The following ZMIZ1 variants were observed in gnomAD, a reference collection of about 807,000 sequenced individuals.
ZMIZ1 encodes the protein zinc finger MIZ-type containing 1.
A neutral mutation model predicts 113.9 loss-of-function variants in ZMIZ1; 17 were observed. The ratio of observed to expected loss-of-function variants is 0.15; its 90% confidence interval spans 0.10 to 0.22. The LOEUF (loss-of-function observed/expected upper bound fraction) is 0.22. Among genes scored for constraint, ZMIZ1 ranks in the 10% least tolerant of loss-of-function variants. The pLI is 1.00. For missense variants in ZMIZ1, 1,059 were observed against 1,477.8 expected (o/e 0.72, Z 4.65); for synonymous variants, 607 against 603.1 (o/e 1.01, Z -0.09).
At chr10:79,220,339 C>A (rs1848913917) in intron 7 of ZMIZ1, among the ~76,000 whole-genome samples, 1 of 152,154 alleles carries the variant, frequency 6.6e-6, no homozygotes, top group Non-Finnish European at 1.5e-5. Context: ...TCTCTAAGGC[C>A]CCTTCTGTGG....
In ZMIZ1 at chr10:79,265,463, C is replaced by CT. The variant is rs869066608; in HGVS notation, c.281-11714dup. On this transcript the variant is annotated intron_variant, in intron 7 of 24. Transcript: ENST00000334512. ...CGCCAGCAGACAACTCCTTTTTTTTCTTTTCTTTTTTTTTTTTTTTTTGGC... is the reference window on the plus strand; with the variant it reads ...CGCCAGCAGACAACTCCTTTTTTTTCTTTTTCTTTTTTTTTTTTTTTTTGGC... Among the ~76,000 whole-genome samples, 1,144 of 131,606 alleles carry CT rather than the reference C, an allele frequency of 8.7e-3. 14 individuals carry two copies. Among genetic ancestry groups the CT allele is most frequent in the South Asian group, 0.044 (187 of 4,270 alleles). The allele number at this position is 131,606 out of a possible 152,430, so 86.3% of individuals were successfully genotyped here.
chr10:79,133,437 G>A (rs1398028150), intron 2 of ZMIZ1, among the ~76,000 whole-genome samples: 1 of 152,198 alleles, frequency 6.6e-6, no homozygotes, highest in Non-Finnish European at 1.5e-5. Context: ...CTGCACCTCA[G>A]GGGTACAGCA....
chr10:79,269,456 A>AACACACACACACC (rs371932943), intron 7 of ZMIZ1, among the ~76,000 whole-genome samples: 2 of 138,472 alleles, frequency 1.4e-5, no homozygotes, highest in Admixed American at 1.4e-4. Flanking sequence ...ACCTCCCCCC[A>AACACACACACACC]ACACACACAC....
In ZMIZ1 at chr10:79,296,151, C is replaced by T. The variant is rs900994248; in HGVS notation, c.1231-320C>T. The T allele has an allele frequency of 2.7e-6, 1 of 372,034 alleles. No homozygotes were observed. Among genetic ancestry groups the T allele is most frequent in the Admixed American group, 4.4e-5 (1 of 22,764 alleles). 23.0% of individuals were successfully genotyped at this position (372,034 alleles called of 1,614,324 possible). A position where few individuals can be genotyped will look rare whatever the true frequency, so the allele number is the denominator to read the frequency against. ...GCCCTAACCCAGGCACCAGGAGAGA[C>T]ACAAAGGTCGGGGGAGTTAGAATCA... On this transcript the variant is annotated intron_variant, in intron 12 of 24. Transcript: ENST00000334512. This position sits in a 1 kb window ranked among gnomAD's most constrained non-coding sequence, Gnocchi z 4.1.
intron 18 of ZMIZ1, among the ~76,000 whole-genome samples, chr10:79,303,042 A>G (rs1269966288): frequency 1.3e-5 from 2 of 151,646 alleles, no homozygotes; most frequent in African/African-American, 2.4e-5. Flanking sequence ...TTTGTGTTTT[A>G]GTAGAGACGG....
chr10:79,180,627 C>T (rs1030620584), intron 4 of ZMIZ1, among the ~76,000 whole-genome samples: 3 of 152,208 alleles, frequency 2.0e-5, no homozygotes, highest in Non-Finnish European at 2.9e-5. Context: ...GCCTGAGCTG[C>T]CCCTCTGGAG....
intron 2 of ZMIZ1, among the ~76,000 whole-genome samples, chr10:79,137,105 G>A (rs1845042223): frequency 6.6e-6 from 1 of 152,196 alleles, no homozygotes; most frequent in South Asian, 2.1e-4. Context: ...CTCCAAAATT[G>A]TATAAGCCTC....
intron 7 of ZMIZ1, among the ~76,000 whole-genome samples, chr10:79,254,853 C>T (rs1286135195): frequency 6.6e-6 from 1 of 152,224 alleles, no homozygotes; most frequent in African/African-American, 2.4e-5. Context: ...TACCTTTCAC[C>T]GCAGTCGTGA....
At chr10:79,175,583 C>T (rs1035345147) in intron 4 of ZMIZ1, among the ~76,000 whole-genome samples, 10 of 125,294 alleles carry the variant, frequency 8.0e-5, no homozygotes, top group Non-Finnish European at 9.9e-5. Flanking sequence ...GTGCACTCTG[C>T]GTGTGTGTGT....
At chr10:79,191,392 G>A (rs1252736589) in intron 4 of ZMIZ1, among the ~76,000 whole-genome samples, 3 of 151,920 alleles carry the variant, frequency 2.0e-5, no homozygotes, top group Non-Finnish European at 4.4e-5. Flanking sequence ...TCCTGCCTCT[G>A]TCTACAGTCA....
chr10:79,188,924 C>T (rs1279789736), intron 4 of ZMIZ1, among the ~76,000 whole-genome samples: 4 of 152,192 alleles, frequency 2.6e-5, no homozygotes, highest in African/African-American at 4.8e-5. Flanking sequence ...CTCATCTAAC[C>T]GGGAATGCTT....
Position 79,225,365 on chromosome 10 carries a change from A to G in ZMIZ1, c.280+9091A>G, listed in dbSNP as rs185177190. On this transcript the variant is annotated intron_variant, in intron 7 of 24. Coordinates refer to ENST00000334512, the MANE Select transcript of ZMIZ1 (RefSeq NM_020338.4). ...CCAAAACAAAGACAGTAGAAACCAT[A>G]CCTTGTCTCCTAGTTTAGCTACAGG... Among the ~76,000 whole-genome samples, 305 of 152,246 alleles carry G rather than the reference A, an allele frequency of 2.0e-3. 3 individuals are homozygous for G. The highest frequency in any genetic ancestry group is 3.5e-3 in the Non-Finnish European group (240 of 68,026).
chr10:79,271,079 C>T (rs754891327), intron 7 of ZMIZ1, among the ~76,000 whole-genome samples: 6 of 152,202 alleles, frequency 3.9e-5, no homozygotes, highest in Non-Finnish European at 7.3e-5. Flanking sequence ...TACCCCTAGG[C>T]GGCTCAGAAG....
At chr10:79,282,727 C>T (rs1459976022) in intron 8 of ZMIZ1, among the ~76,000 whole-genome samples, 1 of 152,240 alleles carries the variant, frequency 6.6e-6, no homozygotes, top group Non-Finnish European at 1.5e-5. Context: ...TGCCATAGCC[C>T]CGCAGCTATA....
chr10:79,306,246 A>G lies in ZMIZ1; in HGVS notation c.2570A>G (p.Asn857Ser), dbSNP rs944657354. ...AGTCCCAGCCAGATGATCATGCCCA[A>G]TGTCATGGAGATGATCGCAGCCCTG... ...TMSPSQMIMPNVMEMIAALGP... is the reference protein window; with the variant it reads ...TMSPSQMIMPSVMEMIAALGP... Residue 857 changes from asparagine to serine, a missense_variant, in exon 22 of 25, where the codon AAT (asparagine) becomes AGT (serine). Asn to Ser is a conservative substitution (Grantham distance 46). This residue lies in a region of ZMIZ1 where 217 missense variants were observed against 426.9 expected (regional missense o/e 0.51). Coordinates refer to ENST00000334512, the MANE Select transcript of ZMIZ1 (RefSeq NM_020338.4). The G allele has an allele frequency of 6.2e-7, 1 of 1,614,100 alleles. No homozygotes were observed. The highest frequency in any genetic ancestry group is 8.5e-7 in the Non-Finnish European group (1 of 1,180,008).
At chr10:79,109,184 T>C (rs1843653454) in intron 1 of ZMIZ1, among the ~76,000 whole-genome samples, 1 of 152,166 alleles carries the variant, frequency 6.6e-6, no homozygotes, top group Non-Finnish European at 1.5e-5. Flanking sequence ...GGTGGATGTC[T>C]GTTCGCTGTC....
intron 7 of ZMIZ1, among the ~76,000 whole-genome samples, chr10:79,273,753 C>T (rs1289133456): frequency 2.0e-5 from 3 of 152,278 alleles, no homozygotes; most frequent in Admixed American, 1.3e-4. Flanking sequence ...GCTACAATTC[C>T]TCTCCACGCC....
intron 4 of ZMIZ1, among the ~76,000 whole-genome samples, chr10:79,195,582 G>C (rs1288718716): frequency 1.3e-5 from 2 of 152,240 alleles, no homozygotes; most frequent in Admixed American, 6.5e-5. Flanking sequence ...CGGAGGCAGC[G>C]GCCCAGCTGA....
intron 4 of ZMIZ1, among the ~76,000 whole-genome samples, chr10:79,185,593 C>T (rs985431420): frequency 6.6e-6 from 1 of 152,010 alleles, no homozygotes; most frequent in African/African-American, 2.4e-5. Flanking sequence ...GCCACCAGAT[C>T]GCTATGTCCG....
Sources: allele counts gnomAD v4.1 joint callset (sites outside exome capture counted in the v4.1 genomes callset), GRCh38; gene constraint gnomAD v4.1.1; regional missense constraint gnomAD v4.1.1; non-coding constraint Gnocchi (gnomAD v3.1); transcripts MANE v1.5; gene names NCBI Gene and HGNC (gene_info 2026-07-23, HGNC 2026-07-21).